The following CELF1 variants were observed in gnomAD, a reference collection of about 807,000 sequenced individuals.
The protein encoded by CELF1 is 50 kDa nuclear polyadenylated RNA-binding protein.
CELF1 carries 10 observed loss-of-function variants against 61.8 expected under a neutral mutation model. The ratio of observed to expected loss-of-function variants is 0.16; its 90% confidence interval spans 0.10 to 0.27. CELF1 has a LOEUF of 0.27. Among genes scored for constraint, CELF1 ranks in the 10% least tolerant of loss-of-function variants. The probability of loss-of-function intolerance (pLI) is 1.00; values close to 1 mark genes in which losing one functional copy is unlikely to be tolerated. For missense variants in CELF1, 380 were observed against 639.1 expected (o/e 0.59, Z 4.37); for synonymous variants, 236 against 225.1 (o/e 1.05, Z -0.43).
At chr11:47,493,914 A>G (rs1486727815) in intron 3 of CELF1, among the ~76,000 whole-genome samples, 2 of 152,230 alleles carry the variant, frequency 1.3e-5, no homozygotes, top group Admixed American at 1.3e-4. Context: ...ATTATGATTA[A>G]AAGTAACCAT....
At chr11:47,547,406 G>A (rs547550906) in intron 1 of CELF1, among the ~76,000 whole-genome samples, 18 of 152,146 alleles carry the variant, frequency 1.2e-4, no homozygotes, top group Admixed American at 4.6e-4. Context: ...GGCTGGGCAC[G>A]GTGGTTCATG....
chr11:47,562,879 A>AT (rs566322145), intron 2 of CELF1, among the ~76,000 whole-genome samples: 528 of 151,652 alleles, frequency 3.5e-3, no homozygotes, highest in Middle Eastern at 6.8e-3. Flanking sequence ...TAATTTTTGT[A>AT]TTTTTTTAGT....
rs775626804 is a variant in CELF1, at chr11:47,478,926, A to T, written c.795T>A (p.Thr265=). ...GGGTGTTGAGGTTCCCAGAGGAGGC[A>T]GTCTGCTGAAGGAGCTGCAAATAAA... ...LALYLQLLQQ[T]ASSGNLNTLS... The change falls in exon 10 of 15, where the codon ACT becomes ACA. Residue 265 remains threonine, a synonymous_variant. Coordinates refer to ENST00000687097, the MANE Select transcript of CELF1 (RefSeq NM_001376376.1). 4 of 1,613,148 alleles carry T rather than the reference A, an allele frequency of 2.5e-6. No individual in the cohort carries two copies. Among genetic ancestry groups the T allele is most frequent in the Middle Eastern group, 1.7e-4 (1 of 6,060 alleles).
At chr11:47,496,466 C>T (rs1256829233) in intron 3 of CELF1, among the ~76,000 whole-genome samples, 1 of 152,138 alleles carries the variant, frequency 6.6e-6, no homozygotes, top group Non-Finnish European at 1.5e-5. Flanking sequence ...CAATATGTGC[C>T]CTTGAGGCAA....
At chr11:47,491,869 T>C (rs2091612724) in intron 3 of CELF1, among the ~76,000 whole-genome samples, 1 of 152,190 alleles carries the variant, frequency 6.6e-6, no homozygotes, top group Non-Finnish European at 1.5e-5. Flanking sequence ...GTTTCAACAG[T>C]CCCCATTTAA....
chr11:47,564,145 G>A (rs1022006315), intron 2 of CELF1, among the ~76,000 whole-genome samples: 2 of 131,630 alleles, frequency 1.5e-5, no homozygotes, highest in Non-Finnish European at 3.1e-5. Flanking sequence ...GGCCAACATG[G>A]TGAAACCCCA....
chr11:47,490,576 A>G (rs2090922834), intron 3 of CELF1, among the ~76,000 whole-genome samples: 1 of 151,650 alleles, frequency 6.6e-6, no homozygotes, highest in African/African-American at 2.4e-5. Context: ...GAAGGCATGC[A>G]CCACCATGCG....
intron 1 of CELF1, among the ~76,000 whole-genome samples, chr11:47,520,449 C>T (rs1009200578): frequency 1.3e-5 from 2 of 152,196 alleles, no homozygotes; most frequent in Non-Finnish European, 2.9e-5. Context: ...GCAAAACTTG[C>T]TGGTTCTACC....
At chr11:47,565,103 C>T (rs2153792562) in intron 1 of CELF1, among the ~76,000 whole-genome samples, 1 of 152,220 alleles carries the variant, frequency 6.6e-6, no homozygotes, top group South Asian at 2.1e-4. Context: ...CTGTCCTCTT[C>T]AGGGCTACCC....
At chr11:47,483,018 T>C (rs1227164001) in intron 8 of CELF1, among the ~76,000 whole-genome samples, 162 bp from the exon 9 acceptor site, 2 of 152,100 alleles carry the variant, frequency 1.3e-5, no homozygotes, top group African/African-American at 4.8e-5. Flanking sequence ...TCCCAACACT[T>C]TGGGAGGCTG....
intron 2 of CELF1, among the ~76,000 whole-genome samples, chr11:47,558,825 C>A (rs2097216865): frequency 1.8e-5 from 2 of 112,236 alleles, no homozygotes; most frequent in South Asian, 2.6e-4. Flanking sequence ...ATATTGCAGC[C>A]AATATATATT....
In CELF1 at chr11:47,561,073, G is replaced by C. The variant is rs570211668; in HGVS notation, c.-11+3278C>G. On this transcript the variant is annotated intron_variant, in intron 2 of 3. Coordinates refer to the CELF1 transcript ENST00000525841. ...GAATGGCATGAGCCCGGGAGGCAGA[G>C]CTTGTATTGAGTGGAGATCATGCCA... Among the ~76,000 whole-genome samples the C allele has an allele frequency of 2.7e-5, 4 of 147,610 alleles. No individual in the cohort carries two copies. The South Asian group carries it at 8.5e-4, about 32-fold the overall frequency.
chr11:47,481,328 C>T (rs2153430427), intron 9 of CELF1, among the ~76,000 whole-genome samples: 1 of 151,960 alleles, frequency 6.6e-6, no homozygotes, highest in East Asian at 1.9e-4. Flanking sequence ...CAGGGTTTCA[C>T]CATGCTGGCC....
In CELF1 at chr11:47,473,095, C is replaced by T. The variant is rs2078392648; in HGVS notation, c.1410G>A (p.Lys470=). The T allele has an allele frequency of 4.3e-6, 7 of 1,613,966 alleles. No individual in the cohort carries two copies. The highest frequency in any genetic ancestry group is 5.9e-6 in the Non-Finnish European group (7 of 1,179,946). The change falls in exon 14 of 15, where the codon AAG becomes AAA. Residue 470 remains lysine (K), a synonymous_variant. Coordinates refer to ENST00000687097, the MANE Select transcript of CELF1 (RefSeq NM_001376376.1). ...AGAGAGAAGCCAACATACCAAAACACTTGCTCAGGTTTGTCTGCTTGTCTA... is the reference window on the plus strand; with the variant it reads ...AGAGAGAAGCCAACATACCAAAACATTTGCTCAGGTTTGTCTGCTTGTCTA... ...VFIDKQTNLS[K]CFGFVSYDNP...
rs2093667763 is a variant in CELF1 at position 47,499,788 on chromosome 11, T to G, written c.-81-184A>C. The stretch of plus-strand genomic sequence containing the variant: ...TGAAAGTGCTGATGCGCCAGGCTTG[T>G]TTTGTGCAATTTTCCCTGGCGAAGC... On this transcript the variant is annotated intron_variant, in intron 2 of 14. Transcript: ENST00000687097. 3 of 437,582 alleles carry G rather than the reference T, an allele frequency of 6.9e-6. No individual in the cohort carries two copies. In the Admixed American group the frequency reaches 1.2e-4, roughly 17 times the overall value. 27.1% of individuals were successfully genotyped at this position (437,582 alleles called of 1,614,324 possible).
rs190553008 is a variant in CELF1 at position 47,505,362 on chromosome 11, G to A, written c.-153-4430C>T. Among the ~76,000 whole-genome samples, 6 of 151,238 alleles carry A rather than the reference G, an allele frequency of 4.0e-5. 3 individuals are homozygous for A. The highest frequency in any genetic ancestry group is 8.9e-5 in the Non-Finnish European group (6 of 67,574). On this transcript the variant is annotated intron_variant, in intron 1 of 14. Transcript: ENST00000687097. ...AAAATCAGTATGTTAGGCCAGGCAC[G>A]GTGGCTCATGCCTGGAATCCCAACA...
chr11:47,547,200 C>T (rs2096984796), intron 1 of CELF1, among the ~76,000 whole-genome samples: 1 of 150,470 alleles, frequency 6.6e-6, no homozygotes, highest in Non-Finnish European at 1.5e-5. Flanking sequence ...CCACTTTATA[C>T]ATGCTGACAT....
chr11:47,557,375 C>T (rs1294775239), upstream of CELF1, among the ~76,000 whole-genome samples: 7 of 149,468 alleles, frequency 4.7e-5, no homozygotes, highest in Admixed American at 4.7e-4. Context: ...CATGCCACCA[C>T]ATCCGGCTAA....
chr11:47,532,134 G>A (rs922386295), intron 1 of CELF1, among the ~76,000 whole-genome samples: 1 of 151,924 alleles, frequency 6.6e-6, no homozygotes, highest in Non-Finnish European at 1.5e-5. Flanking sequence ...AGGTTCAAGC[G>A]ATTCTCCTGC....
Sources: gnomAD v4.1 joint callset for allele counts (sites outside exome capture counted in the v4.1 genomes callset) on GRCh38, gnomAD v4.1.1 for gene constraint, MANE v1.5 for transcripts, NCBI Gene and HGNC (gene_info 2026-07-23, HGNC 2026-07-21) for gene names.